ARHGAP44: variants seen among roughly 807,000 people sequenced by gnomAD.
The protein encoded by ARHGAP44 is rho GTPase-activating protein 44.
A neutral mutation model predicts 106.8 loss-of-function variants in ARHGAP44; 43 were observed. That is an observed-to-expected ratio of 0.40 (90% CI 0.32 to 0.52). ARHGAP44 has a LOEUF of 0.52. Among genes scored for constraint, ARHGAP44 ranks in the 20% least tolerant of loss-of-function variants. The pLI is 0.48. For missense variants in ARHGAP44, 866 were observed against 1,050.5 expected (o/e 0.82, Z 2.43); for synonymous variants, 439 against 410.3 (o/e 1.07, Z -0.85).
intron 10 of ARHGAP44, among the ~76,000 whole-genome samples, chr17:12,944,855 C>T (rs866325503): frequency 6.6e-6 from 1 of 151,908 alleles, no homozygotes; most frequent in South Asian, 2.1e-4. Context: ...TCTGCCTCTT[C>T]CTCTTGCTTA....
intron 10 of ARHGAP44, among the ~76,000 whole-genome samples, chr17:12,946,284 C>T (rs1264385419): frequency 1.3e-5 from 2 of 152,096 alleles, no homozygotes; most frequent in Non-Finnish European, 2.9e-5. Context: ...TGAAGTACAA[C>T]CTAGACATTA....
At chr17:12,955,141 G>C (rs62058118) in intron 13 of ARHGAP44, among the ~76,000 whole-genome samples, 1 of 152,098 alleles carries the variant, frequency 6.6e-6, no homozygotes, top group South Asian at 2.1e-4. Context: ...CTTCTTTCAC[G>C]TAGCATAATG....
rs377025427 is a variant in ARHGAP44 at position 12,791,533 on chromosome 17, G to T, written c.53+1642G>T. 9.2e-5 allele frequency among the ~76,000 whole-genome samples: 14 copies of T among 152,188 alleles called. No homozygotes were observed. In the East Asian group the frequency reaches 2.3e-3, roughly 25 times the overall value. ...GTCTTGGGGTTTCAGTGCCGTGCTA[G>T]AATCTAAATGTTCAGAACATGTTTA... On this transcript the variant is annotated intron_variant, in intron 1 of 20. Transcript: ENST00000379672.
At chr17:12,823,433 T>A (rs562616307) in intron 1 of ARHGAP44, among the ~76,000 whole-genome samples, 76 of 152,278 alleles carry the variant, frequency 5.0e-4, no homozygotes, top group African/African-American at 1.7e-3. Context: ...ACTTTCTCCT[T>A]CCTAGAGAAA....
At chr17:12,895,676 A>G (rs1427551184) in intron 2 of ARHGAP44, among the ~76,000 whole-genome samples, 1 of 152,238 alleles carries the variant, frequency 6.6e-6, no homozygotes, top group Non-Finnish European at 1.5e-5. Flanking sequence ...TAGTTCAACC[A>G]TTGTGGAAGA....
intron 7 of ARHGAP44, among the ~76,000 whole-genome samples, chr17:12,937,934 C>A (rs1391044961): frequency 6.6e-6 from 1 of 152,068 alleles, no homozygotes; most frequent in African/African-American, 2.4e-5. Flanking sequence ...AACCTTGTCT[C>A]TTCTAAAAAT....
intron 16 of ARHGAP44, among the ~76,000 whole-genome samples, chr17:12,968,751 T>A (rs1464078053): frequency 6.7e-6 from 1 of 150,022 alleles, no homozygotes; most frequent in East Asian, 1.9e-4. Flanking sequence ...TATTTCTTTT[T>A]CTTTTTCTTT....
chr17:12,881,606 C>T (rs1211261664), intron 1 of ARHGAP44, among the ~76,000 whole-genome samples: 1 of 152,158 alleles, frequency 6.6e-6, no homozygotes, highest in Non-Finnish European at 1.5e-5. Flanking sequence ...GTCACTGAAG[C>T]TCCCTCAACT....
chr17:12,967,639 T>C (rs1193236998), intron 16 of ARHGAP44, among the ~76,000 whole-genome samples: 1 of 152,108 alleles, frequency 6.6e-6, no homozygotes, highest in Non-Finnish European at 1.5e-5. Context: ...GACAACATCT[T>C]CTACTGGTTT....
intron 2 of ARHGAP44, among the ~76,000 whole-genome samples, chr17:12,895,760 C>A (rs1035991899): frequency 6.6e-6 from 1 of 151,956 alleles, no homozygotes; most frequent in African/African-American, 2.4e-5. Context: ...GGGTATATAC[C>A]CAAAGGATTA....
intron 1 of ARHGAP44, among the ~76,000 whole-genome samples, chr17:12,876,240 C>T (rs2150891186): frequency 6.6e-6 from 1 of 152,254 alleles, no homozygotes; most frequent in East Asian, 1.9e-4. Flanking sequence ...TAAAAGCATC[C>T]AATCCCAAAC....
rs79331489 is a variant in ARHGAP44, at chr17:12,896,939, G to T, written c.198+428G>T. Among the ~76,000 whole-genome samples the T allele has an allele frequency of 3.9e-3, 596 of 152,284 alleles. 3 individuals carry two copies. Among genetic ancestry groups the T allele is most frequent in the African/African-American group, 0.013 (541 of 41,548 alleles). On this transcript the variant is annotated intron_variant, in intron 3 of 20. Coordinates refer to ENST00000379672, the MANE Select transcript of ARHGAP44 (RefSeq NM_014859.6). Reference sequence around the variant, plus strand: ...TATTGTGGTTTTAGAGGTTACAAGTGACCTATAAAGGCCCTTGAAAATTGT... The same window carrying T: ...TATTGTGGTTTTAGAGGTTACAAGTTACCTATAAAGGCCCTTGAAAATTGT...
chr17:12,930,051 A>G (rs1164845178), intron 7 of ARHGAP44, among the ~76,000 whole-genome samples: 3 of 152,200 alleles, frequency 2.0e-5, no homozygotes, highest in East Asian at 3.9e-4. Flanking sequence ...CTACAGTACT[A>G]TGGAACCAAG....
intron 7 of ARHGAP44, among the ~76,000 whole-genome samples, chr17:12,938,038 C>T (rs2038597683): frequency 6.6e-6 from 1 of 151,826 alleles, no homozygotes; most frequent in African/African-American, 2.4e-5. Flanking sequence ...GCGGAGGTTG[C>T]AGTGAGCCAA....
intron 10 of ARHGAP44, among the ~76,000 whole-genome samples, chr17:12,948,292 G>A (rs1205790804): frequency 6.6e-5 from 10 of 152,180 alleles, no homozygotes; most frequent in Admixed American, 6.5e-4. Context: ...CTTGAGAACG[G>A]AATGCAGAGG....
intron 16 of ARHGAP44, among the ~76,000 whole-genome samples, chr17:12,968,353 G>T (rs1208933405): frequency 6.6e-6 from 1 of 152,214 alleles, no homozygotes; most frequent in Non-Finnish European, 1.5e-5. Context: ...GCTGACGGTT[G>T]CAGGAGGCTC....
chr17:12,858,275 T>G (rs553003422), intron 1 of ARHGAP44, among the ~76,000 whole-genome samples: 2 of 152,294 alleles, frequency 1.3e-5, no homozygotes, highest in South Asian at 4.1e-4. Flanking sequence ...TTACCTACCC[T>G]GCCCTCTGTT....
chr17:12,934,935 T>C (rs1598081025), intron 7 of ARHGAP44, among the ~76,000 whole-genome samples: 1 of 152,180 alleles, frequency 6.6e-6, no homozygotes. Flanking sequence ...GAAGACATCA[T>C]GTACAAAGAT....
chr17:12,943,707 G>A (rs760042550), intron 9 of ARHGAP44, 38 bp downstream of exon 9: 1 of 1,597,686 alleles, frequency 6.3e-7, no homozygotes, highest in East Asian at 2.2e-5. Flanking sequence ...GAGGGCCGGG[G>A]TGCCTGCTTG....
Sources: allele counts gnomAD v4.1 joint callset (sites outside exome capture counted in the v4.1 genomes callset), GRCh38; gene constraint gnomAD v4.1.1; transcripts MANE v1.5; gene names NCBI Gene and HGNC (gene_info 2026-07-23, HGNC 2026-07-21).